Variants in NPHP3 observed in about 807,000 individuals in gnomAD.
The protein encoded by NPHP3 is nephrocystin-3.
Under a neutral mutation model 171.9 loss-of-function variants are expected in NPHP3, and 123 were observed. The ratio of observed to expected loss-of-function variants is 0.72; its 90% confidence interval spans 0.62 to 0.83. The LOEUF (loss-of-function observed/expected upper bound fraction) is 0.83. Among genes scored for constraint, NPHP3 ranks in the 40% least tolerant of loss-of-function variants. The pLI, the probability that NPHP3 is intolerant of heterozygous loss-of-function variation, is 0.00. For missense variants in NPHP3, 1,506 were observed against 1,591.9 expected (o/e 0.95, Z 0.92); for synonymous variants, 558 against 579.2 (o/e 0.96, Z 0.52).
Position 132,722,203 on chromosome 3 carries a change from C to CG in NPHP3, c.152dup (p.Ala52GlyfsTer111), listed in dbSNP as rs751622046. 1 of 1,510,790 alleles carries CG rather than the reference C, an allele frequency of 6.6e-7. No homozygotes were observed. Among genetic ancestry groups the CG allele is most frequent in the South Asian group, 1.2e-5 (1 of 80,602 alleles). 93.6% of individuals were successfully genotyped at this position (1,510,790 alleles called of 1,614,324 possible). On this transcript the variant is annotated frameshift_variant, in exon 1 of 27. Coordinates refer to ENST00000337331, the MANE Select transcript of NPHP3 (RefSeq NM_153240.5). LOFTEE classifies it high-confidence loss of function. Reference sequence around the variant, plus strand: ...GCGACCCGGGCCCGGCCCCTGCTGCCGCCCCCGCGCCTCGGCGGAACGAGT... The same window carrying CG: ...GCGACCCGGGCCCGGCCCCTGCTGCCGGCCCCCGCGCCTCGGCGGAACGAGT...
At chr3:132,700,978 G>C (rs906255976) in intron 10 of NPHP3, among the ~76,000 whole-genome samples, 2 of 152,002 alleles carry the variant, frequency 1.3e-5, no homozygotes, top group Admixed American at 6.6e-5. Context: ...TTGCATTCAT[G>C]GTGAAGATTA....
At chr3:132,717,113 A>G in intron 3 of NPHP3, 1 of 549,022 alleles carries the variant, frequency 1.8e-6, no homozygotes, top group Non-Finnish European at 3.2e-6. Context: ...TCTCAAATTC[A>G]AAGAGAGGAT....
At chr3:132,694,150 C>T (rs1457180867) in intron 16 of NPHP3, among the ~76,000 whole-genome samples, 2 of 151,974 alleles carry the variant, frequency 1.3e-5, no homozygotes, top group Non-Finnish European at 1.5e-5. Context: ...AACAGACCCA[C>T]ATTTATTTGT....
intron 25 of NPHP3, among the ~76,000 whole-genome samples, 197 bp from the exon 26 acceptor site, chr3:132,683,015 C>T (rs1206464187): frequency 6.6e-6 from 1 of 152,194 alleles, no homozygotes; most frequent in Non-Finnish European, 1.5e-5. Context: ...TTAGACCTGG[C>T]TTGGTAACCA....
chr3:132,709,628 T>C (rs1052065487), intron 6 of NPHP3, among the ~76,000 whole-genome samples: 12 of 152,102 alleles, frequency 7.9e-5, no homozygotes, highest in East Asian at 5.8e-4. Context: ...CTGCGACCAA[T>C]TCCCCTTTCT....
chr3:132,718,166 A>G (rs921278164), intron 3 of NPHP3: 1 of 433,310 alleles, frequency 2.3e-6, no homozygotes, highest in South Asian at 1.6e-5. Flanking sequence ...TTTTACTCCA[A>G]AATGCATCCA....
chr3:132,714,749 C>T (rs1940004688), intron 5 of NPHP3, among the ~76,000 whole-genome samples: 1 of 151,664 alleles, frequency 6.6e-6, no homozygotes, highest in African/African-American at 2.4e-5. Context: ...AACAAACACA[C>T]AAACAAAAAA....
chr3:132,689,374 A>T (rs1053666263), intron 19 of NPHP3, 111 bp from the exon 20 acceptor site: 2 of 1,116,502 alleles, frequency 1.8e-6, no homozygotes, highest in Admixed American at 3.6e-5. Flanking sequence ...GTAGGCGAGT[A>T]CTGTGTAATG....
In NPHP3 at chr3:132,704,350, T is replaced by C. The variant is rs1449142197; in HGVS notation, c.1372A>G (p.Thr458Ala). 2 of 1,614,190 alleles carry C rather than the reference T, an allele frequency of 1.2e-6. No homozygotes were observed. Among genetic ancestry groups the C allele is most frequent in the South Asian group, 2.2e-5 (2 of 91,086 alleles). Reference protein sequence around the residue: ...IKQDILGFENTDLETKDLGSE... With the variant: ...IKQDILGFENADLETKDLGSE... ...CCCAAATCCTTAGTCTCCAAGTCTG[T>C]GTTCTCAAAACCCAGTATGTCCTAA... Residue 458 changes from threonine to alanine, a missense_variant, in exon 9 of 27, where the codon ACA becomes GCA. By Grantham distance (58) the Thr-to-Ala change is moderately conservative (BLOSUM62 0). Transcript: ENST00000337331.
At chr3:132,699,296 C>T in intron 13 of NPHP3, 57 bp downstream of exon 13, 1 of 1,225,886 alleles carries the variant, frequency 8.2e-7, no homozygotes, top group Non-Finnish European at 1.2e-6. Flanking sequence ...AAAATCTTTC[C>T]TTGTTTGTAC....
rs1939958501 is a variant in NPHP3, at chr3:132,713,112, T to C, written c.1118+14A>G. The C allele has an allele frequency of 7.4e-7, 1 of 1,352,756 alleles. No homozygotes were observed. The highest frequency in any genetic ancestry group is 1.0e-6 in the Non-Finnish European group (1 of 967,774). The allele number at this position is 1,352,756 out of a possible 1,614,324, so 83.8% of individuals were successfully genotyped here. Reference sequence around the variant, plus strand: ...TTTACTGCTTATAATAAATTACATTTTTTTTCAGCTTACCTTGGTAATGTT... The same window carrying C: ...TTTACTGCTTATAATAAATTACATTCTTTTTCAGCTTACCTTGGTAATGTT... On this transcript the variant is annotated intron_variant, in intron 6 of 26. Transcript: ENST00000337331.
chr3:132,715,195 T>C lies in NPHP3; in HGVS notation c.847A>G (p.Ser283Gly). 3.1e-6 allele frequency: 5 copies of C among 1,610,956 alleles called. No individual in the cohort carries two copies. Among genetic ancestry groups the C allele is most frequent in the Non-Finnish European group, 4.2e-6 (5 of 1,177,264 alleles). The change falls in exon 5 of 27, where the codon AGT (serine) becomes GGT (glycine). Residue 283 changes from serine to glycine, a missense_variant. Transcript: ENST00000337331. ...NRDDWDIAVA[S>G]LLQVTPLFSH... ...AACAGAGGAGTAACTTGTAATAAAC[T>C]AGCTACAGCAATATCCCAGTCATCT...
At chr3:132,689,952 CTAAG>C (rs1379142734) in intron 19 of NPHP3, among the ~76,000 whole-genome samples, 3 of 152,008 alleles carry the variant, frequency 2.0e-5, no homozygotes, top group Non-Finnish European at 2.9e-5. Flanking sequence ...GTCTAAATCT[CTAAG>C]TAAGGCAGAA....
chr3:132,697,992 T>G (rs1298206148), intron 13 of NPHP3, among the ~76,000 whole-genome samples: 8 of 152,098 alleles, frequency 5.3e-5, no homozygotes, highest in Admixed American at 3.9e-4. Flanking sequence ...CTACTTTTTT[T>G]TTTTTTTGAG....
At position 132,722,206 on chromosome 3, in the gene NPHP3, C is replaced by T. The variant is rs770119552; in HGVS notation, c.150G>A (p.Gly50=). The T allele has an allele frequency of 4.0e-6, 6 of 1,515,616 alleles. No individual in the cohort carries two copies. The East Asian group carries it at 1.1e-4, about 27-fold the overall frequency. The allele number at this position is 1,515,616 out of a possible 1,614,324, so 93.9% of individuals were successfully genotyped here. ...ACCCGGGCCCGGCCCCTGCTGCCGC[C>T]CCCGCGCCTCGGCGGAACGAGTTGC... ...LLRNSFRRGA[G]AAAGAGPGSL... Residue 50 remains glycine (G), a synonymous_variant, in exon 1 of 27, where the codon GGG becomes GGA. Coordinates refer to ENST00000337331, the MANE Select transcript of NPHP3 (RefSeq NM_153240.5).
At chr3:132,712,635 G>T (rs1450208165) in intron 6 of NPHP3, among the ~76,000 whole-genome samples, 1 of 152,054 alleles carries the variant, frequency 6.6e-6, no homozygotes, top group African/African-American at 2.4e-5. Flanking sequence ...GCGTGGTGGT[G>T]GGCGCCTATA....
intron 3 of NPHP3, 126 bp downstream of exon 3, chr3:132,718,868 G>C (rs1487927337): frequency 3.5e-5 from 32 of 906,910 alleles, no homozygotes; most frequent in Non-Finnish European, 5.5e-5. Context: ...GACACTATTT[G>C]CAACAGTAGT....
intron 5 of NPHP3, 45 bp downstream of exon 5, chr3:132,715,040 C>G (rs368569631): frequency 3.5e-5 from 52 of 1,471,034 alleles, no homozygotes; most frequent in Non-Finnish European, 4.6e-5. Context: ...ATAATATTAA[C>G]TTATATTTTA....
rs754508002 is a variant in NPHP3, at chr3:132,699,348, C to A, written c.1985+5G>T. The stretch of plus-strand genomic sequence containing the variant: ...ACTCTGAAAGAACTAAAGTTGGCAT[C>A]GTACCTCCATGCTGGAGGGCATGTT... On this transcript the variant is annotated splice_donor_5th_base_variant and intron_variant, in intron 13 of 26. Transcript: ENST00000337331. 1.9e-6 allele frequency: 3 copies of A among 1,592,792 alleles called. No homozygotes were observed. Among genetic ancestry groups the A allele is most frequent in the South Asian group, 1.1e-5 (1 of 90,602 alleles).
Sources: allele counts gnomAD v4.1 joint callset (sites outside exome capture counted in the v4.1 genomes callset), GRCh38; gene constraint gnomAD v4.1.1; transcripts MANE v1.5; gene names NCBI Gene and HGNC (gene_info 2026-07-23, HGNC 2026-07-21).